The following SPMAP2L variants were observed in gnomAD, a reference collection of about 807,000 sequenced individuals.
The protein encoded by SPMAP2L is sperm microtubule associated protein 2-like.
chr4:56,623,642 C>A, the SPMAP2L span, among the ~76,000 whole-genome samples: 358 of 152,198 alleles, frequency 2.4e-3, no homozygotes, highest in African/African-American at 8.1e-3. Flanking sequence ...CTGGTCTTTC[C>A]TATGCTATTA....
At chr4:56,548,980 TTTCTTTCTTTC>T in the SPMAP2L span, among the ~76,000 whole-genome samples, 1 of 148,634 alleles carries the variant, frequency 6.7e-6, no homozygotes, top group African/African-American at 2.5e-5. Flanking sequence ...TTTCTTTTCT[TTTCTTTCTTTC>T]TTTTTTTTTT....
chr4:56,583,958 T>C, the SPMAP2L span, among the ~76,000 whole-genome samples: 8 of 151,828 alleles, frequency 5.3e-5, no homozygotes, highest in African/African-American at 1.2e-4. Context: ...TGTATCACAA[T>C]ATAAAATGTA....
At chr4:56,539,524 C>T in the SPMAP2L span, among the ~76,000 whole-genome samples, 3 of 152,074 alleles carry the variant, frequency 2.0e-5, no homozygotes, top group South Asian at 2.1e-4. Context: ...CAGGTTCAAG[C>T]GATTCTCCTG....
the SPMAP2L span, among the ~76,000 whole-genome samples, chr4:56,533,546 G>T: frequency 6.6e-6 from 1 of 151,964 alleles, no homozygotes; most frequent in Non-Finnish European, 1.5e-5. Context: ...TCTATATGTT[G>T]GATTTCAATC....
chr4:56,548,991 C>CTTT, the SPMAP2L span, among the ~76,000 whole-genome samples: 748 of 139,424 alleles, frequency 5.4e-3, 16 homozygotes, highest in South Asian at 0.039. Flanking sequence ...TTCTTTCTTT[C>CTTT]TTTTTTTTTT....
the SPMAP2L span, chr4:56,596,636 G>A: frequency 6.6e-7 from 1 of 1,509,580 alleles, no homozygotes; most frequent in Non-Finnish European, 8.8e-7. Flanking sequence ...CGTCCTGTAA[G>A]CCATCGCTAC....
the SPMAP2L span, chr4:56,552,670 GGTAA>G: frequency 3.5e-5 from 33 of 952,588 alleles, no homozygotes; most frequent in East Asian, 8.1e-4. Flanking sequence ...ACATAAAACA[GGTAA>G]GTATTATTTA....
the SPMAP2L span, among the ~76,000 whole-genome samples, chr4:56,619,054 C>T: frequency 1.2e-4 from 18 of 152,302 alleles, no homozygotes; most frequent in Admixed American, 9.2e-4. Flanking sequence ...ACAAGCCTGA[C>T]TCCTTTTCCC....
chr4:56,556,766 G>A, the SPMAP2L span, among the ~76,000 whole-genome samples: 3 of 152,182 alleles, frequency 2.0e-5, no homozygotes, highest in South Asian at 6.2e-4. Context: ...CCAGCTACTT[G>A]AGATAGGTTG....
the SPMAP2L span, among the ~76,000 whole-genome samples, chr4:56,575,263 A>G: frequency 6.6e-6 from 1 of 152,146 alleles, no homozygotes; most frequent in East Asian, 1.9e-4. Flanking sequence ...AAAAAAAGAA[A>G]AAAAAGAAGA....
the SPMAP2L span, among the ~76,000 whole-genome samples, chr4:56,592,464 A>G: frequency 6.6e-6 from 1 of 152,168 alleles, no homozygotes; most frequent in Admixed American, 6.5e-5. Context: ...GGGAGCCACA[A>G]CTTTGCGCGA....
chr4:56,560,373 C>T, the SPMAP2L span, among the ~76,000 whole-genome samples: 2 of 152,174 alleles, frequency 1.3e-5, no homozygotes, highest in East Asian at 3.9e-4. Context: ...GTGGGTTTCT[C>T]TTTCTTTGCC....
the SPMAP2L span, among the ~76,000 whole-genome samples, chr4:56,567,017 T>C: frequency 6.6e-6 from 1 of 152,146 alleles, no homozygotes; most frequent in Non-Finnish European, 1.5e-5. Context: ...CTTATAATGG[T>C]ATATTACCAT....
the SPMAP2L span, among the ~76,000 whole-genome samples, chr4:56,621,810 G>A: frequency 5.9e-5 from 9 of 152,308 alleles, no homozygotes; most frequent in South Asian, 1.9e-3. Context: ...GCAAATTGGA[G>A]TGGCTGCCAG....
the SPMAP2L span, among the ~76,000 whole-genome samples, chr4:56,566,416 C>T: frequency 6.6e-6 from 1 of 152,286 alleles, no homozygotes; most frequent in African/African-American, 2.4e-5. Context: ...CCAGGCTGGT[C>T]TTGAACTCCT....
chr4:56,593,675 T>C, the SPMAP2L span: 1 of 1,602,932 alleles, frequency 6.2e-7, no homozygotes, highest in Non-Finnish European at 8.5e-7. Flanking sequence ...CCGAGAAAGC[T>C]TGGTGAGAAT....
chr4:56,570,967 T>G, the SPMAP2L span, among the ~76,000 whole-genome samples: 2 of 151,690 alleles, frequency 1.3e-5, no homozygotes, highest in African/African-American at 2.4e-5. Flanking sequence ...CCACACCCCG[T>G]TAACTTTTGT....
At chr4:56,609,832 G>A in the SPMAP2L span, among the ~76,000 whole-genome samples, 1 of 152,194 alleles carries the variant, frequency 6.6e-6, no homozygotes, top group Non-Finnish European at 1.5e-5. Flanking sequence ...GAATCTTCCA[G>A]TGTCTTGATT....
At chr4:56,546,271 G>A in the SPMAP2L span, among the ~76,000 whole-genome samples, 6 of 152,176 alleles carry the variant, frequency 3.9e-5, no homozygotes, top group African/African-American at 1.4e-4. Context: ...AAAATACTTA[G>A]TTGCAGAGAG....
Sources: gnomAD v4.1 joint callset for allele counts (sites outside exome capture counted in the v4.1 genomes callset) on GRCh38, gnomAD v4.1.1 for gene constraint, MANE v1.5 for transcripts, NCBI Gene and HGNC (gene_info 2026-07-23, HGNC 2026-07-21) for gene names.